The following KATNA1 variants were observed in gnomAD, a reference collection of about 807,000 sequenced individuals.
KATNA1 encodes katanin catalytic subunit A1.
KATNA1 carries 42 observed loss-of-function variants against 62.6 expected under a neutral mutation model. The ratio of observed to expected loss-of-function variants is 0.67; its 90% CI spans 0.52 to 0.87. The LOEUF (loss-of-function observed/expected upper bound fraction) is 0.87. Among genes scored for constraint, KATNA1 ranks in the 40% least tolerant of loss-of-function variants. KATNA1 has a pLI of 0.00. For synonymous variants in KATNA1, 186 were observed against 201.9 expected (o/e 0.92, Z 0.67); for missense variants, 498 against 612.5 (o/e 0.81, Z 1.97).
At chr6:149,618,987 A>G (rs1779291902) in intron 4 of KATNA1, among the ~76,000 whole-genome samples, 1 of 152,220 alleles carries the variant, frequency 6.6e-6, no homozygotes, top group Admixed American at 6.6e-5. Flanking sequence ...GTGATTATAT[A>G]AAACTAAAAT....
intron 10 of KATNA1, 33 bp downstream of exon 10, chr6:149,597,030 T>G: frequency 1.9e-6 from 3 of 1,606,262 alleles, no homozygotes; most frequent in Non-Finnish European, 2.5e-6. Context: ...AGTTTATGCT[T>G]ACAAAAACCT....
intron 7 of KATNA1, among the ~76,000 whole-genome samples, chr6:149,600,988 T>C (rs1054264590): frequency 1.1e-4 from 17 of 152,188 alleles, no homozygotes; most frequent in African/African-American, 3.6e-4. Context: ...AACTCTATCC[T>C]AATTACATAA....
intron 4 of KATNA1, among the ~76,000 whole-genome samples, chr6:149,609,447 G>A (rs901890109): frequency 1.3e-5 from 2 of 152,014 alleles, no homozygotes; most frequent in African/African-American, 4.8e-5. Context: ...TAGCACTTTG[G>A]GAGGCCAAGG....
chr6:149,594,880 C>G lies in KATNA1; in HGVS notation c.*156G>C. 1 of 550,814 alleles carries G rather than the reference C, an allele frequency of 1.8e-6. No homozygotes were observed. The highest frequency in any genetic ancestry group is 3.7e-5 in the Admixed American group (1 of 26,738). 34.1% of individuals were successfully genotyped at this position (550,814 alleles called of 1,614,324 possible). ...ATGCTAAAGTAAAACAAATTTTCAG[C>G]TTAAAAATATTGCCTTTATTCAGAA... On this transcript the variant is annotated 3_prime_UTR_variant, in exon 11 of 11. Transcript: ENST00000367411.
At chr6:149,618,911 T>C (rs1281193241) in intron 4 of KATNA1, among the ~76,000 whole-genome samples, 8 of 152,208 alleles carry the variant, frequency 5.3e-5, no homozygotes, top group Admixed American at 2.6e-4. Flanking sequence ...CTTCAGGACA[T>C]TGGTCTGGGC....
chr6:149,612,594 A>G (rs1779004003), intron 4 of KATNA1, among the ~76,000 whole-genome samples: 1 of 152,210 alleles, frequency 6.6e-6, no homozygotes, highest in South Asian at 2.1e-4. Flanking sequence ...TCATTTTATA[A>G]AAGGCTATAT....
In KATNA1 at chr6:149,622,141, T is replaced by G. The variant is rs1478662257; in HGVS notation, c.501+962A>C. On this transcript the variant is annotated intron_variant, in intron 4 of 10. Coordinates refer to ENST00000367411, the MANE Select transcript of KATNA1 (RefSeq NM_007044.4). ...TAACTGTGTTTTTTTTGTTTTTTTTTTTTTTCCTCAAGACGGAGTCTCGCT... is the reference window on the plus strand; with the variant it reads ...TAACTGTGTTTTTTTTGTTTTTTTTGTTTTTCCTCAAGACGGAGTCTCGCT... Among the ~76,000 whole-genome samples the G allele has an allele frequency of 2.6e-5, 4 of 151,788 alleles. No homozygotes were observed. In the South Asian group the frequency reaches 6.2e-4, roughly 24 times the overall value.
chr6:149,619,308 G>C (rs1444782520), intron 4 of KATNA1, among the ~76,000 whole-genome samples: 1 of 152,052 alleles, frequency 6.6e-6, no homozygotes, highest in African/African-American at 2.4e-5. Context: ...AATTAGGATG[G>C]GTGTAAGCAA....
rs191842762 is a variant in KATNA1, at chr6:149,635,230, T to C, written c.163-2314A>G. ...GAGTTAAGGCTGCAGTGAGCCATGA[T>C]TGCACCACCATACTCCAGCCTGGGG... On this transcript the variant is annotated intron_variant, in intron 2 of 10. Transcript: ENST00000367411. Among the ~76,000 whole-genome samples, 399 of 152,196 alleles carry C rather than the reference T, an allele frequency of 2.6e-3. 2 individuals are homozygous for C. Among genetic ancestry groups the C allele is most frequent in the Admixed American group, 3.7e-3 (57 of 15,280 alleles).
Position 149,597,577 on chromosome 6 carries a change from A to G in KATNA1, c.1080T>C (p.Asn360=). 2 of 1,614,040 alleles carry G rather than the reference A, an allele frequency of 1.2e-6. No individual in the cohort carries two copies. The highest frequency in any genetic ancestry group is 8.5e-7 in the Non-Finnish European group (1 of 1,179,930). ...SKMVMVLAAT[N]FPWDIDEALR... ...AAGCCTCATCTATATCCCAGGGAAA[A>G]TTAGTAGCTGCCAGAACCATAACCA... Residue 360 remains asparagine (N), a synonymous_variant, in exon 9 of 11, where the codon AAT becomes AAC. Coordinates refer to ENST00000367411, the MANE Select transcript of KATNA1 (RefSeq NM_007044.4).
Position 149,598,229 on chromosome 6 carries a change from A to T in KATNA1, c.1010T>A (p.Met337Lys). Residue 337 changes from methionine to lysine, a missense_variant, in exon 8 of 11, where the codon ATG (methionine) becomes AAG (lysine). Coordinates refer to ENST00000367411, the MANE Select transcript of KATNA1 (RefSeq NM_007044.4). ...RRVKAELLVQMDGVGGTSEND... is the reference protein window; with the variant it reads ...RRVKAELLVQKDGVGGTSEND... ...CTCAAGCTAAACACAGATACCATCC[A>T]TCTGAACCAGCAGCTCCGCTTTCAC... 6.2e-7 allele frequency: 1 copy of T among 1,614,004 alleles called. No individual in the cohort carries two copies. The highest frequency in any genetic ancestry group is 8.5e-7 in the Non-Finnish European group (1 of 1,179,994).
chr6:149,604,629 G>C, intron 5 of KATNA1, 32 bp downstream of exon 5: 1 of 1,610,768 alleles, frequency 6.2e-7, no homozygotes, highest in South Asian at 1.1e-5. Flanking sequence ...AGCATCACCA[G>C]CACCCAATTA....
At chr6:149,637,057 C>T (rs1413892815) in intron 2 of KATNA1, among the ~76,000 whole-genome samples, 1 of 152,058 alleles carries the variant, frequency 6.6e-6, no homozygotes, top group East Asian at 1.9e-4. Flanking sequence ...TTTGTTAGTC[C>T]TCAGTAACTG....
chr6:149,594,960 G>T lies in KATNA1; in HGVS notation c.*76C>A. The T allele has an allele frequency of 9.2e-7, 1 of 1,085,182 alleles. No homozygotes were observed. The highest frequency in any genetic ancestry group is 1.3e-6 in the Non-Finnish European group (1 of 748,102). 67.2% of individuals were successfully genotyped at this position (1,085,182 alleles called of 1,614,324 possible). On this transcript the variant is annotated 3_prime_UTR_variant, in exon 11 of 11. Transcript: ENST00000367411. ...CATTATGAAAGTTAAAAAAAATATA[G>T]CACTCAGTACAATGAATTACTGCAT...
chr6:149,643,849 T>A (rs28421449), intron 1 of KATNA1, among the ~76,000 whole-genome samples: 13,053 of 147,180 alleles, frequency 0.089, 1,048 homozygotes, highest in African/African-American at 0.23. Context: ...ATATATATAT[T>A]TTTTTTTTGG....
intron 3 of KATNA1, 118 bp downstream of exon 3, chr6:149,632,641 G>A (rs182517563): frequency 1.1e-4 from 82 of 768,556 alleles, no homozygotes; most frequent in Non-Finnish European, 1.5e-4. Flanking sequence ...AAGAGAGAAC[G>A]TTCAGTAAAG....
At chr6:149,624,661 T>G (rs1380984653) in intron 3 of KATNA1, among the ~76,000 whole-genome samples, 1 of 152,090 alleles carries the variant, frequency 6.6e-6, no homozygotes, top group Admixed American at 6.6e-5. Flanking sequence ...ACTACAGGCG[T>G]GAGCCCCTGT....
At chr6:149,598,847 T>G (rs545031095) in intron 7 of KATNA1, among the ~76,000 whole-genome samples, 1 of 152,292 alleles carries the variant, frequency 6.6e-6, no homozygotes, top group African/African-American at 2.4e-5. Context: ...ATATGGCTTC[T>G]AATGAACCGT....
Position 149,647,039 on chromosome 6 carries a change from G to A in KATNA1, c.-14+1430C>T, listed in dbSNP as rs543324226. ...GAATCCCTTGTGGACTACATAGCAT[G>A]CCTATTACCTATAAAAATGTAAACG... On this transcript the variant is annotated intron_variant, in intron 1 of 10. Coordinates refer to ENST00000367411, the MANE Select transcript of KATNA1 (RefSeq NM_007044.4). Among the ~76,000 whole-genome samples the A allele has an allele frequency of 2.6e-5, 4 of 152,190 alleles. No individual in the cohort carries two copies. The South Asian group carries it at 8.3e-4, about 32-fold the overall frequency.
Sources: gnomAD v4.1 joint callset for allele counts (sites outside exome capture counted in the v4.1 genomes callset) on GRCh38, gnomAD v4.1.1 for gene constraint, MANE v1.5 for transcripts, NCBI Gene and HGNC (gene_info 2026-07-23, HGNC 2026-07-21) for gene names.